TBL1Y: variants seen among roughly 807,000 people sequenced by gnomAD.
TBL1Y encodes the protein transducin beta like 1 Y-linked, also known as F-box-like/WD repeat-containing protein TBL1Y.
Under a neutral mutation model 12.0 loss-of-function variants are expected in TBL1Y, and 15 were observed. The observed-to-expected ratio is 1.25, with a 90% confidence interval of 0.83 to 1.92. The LOEUF is 1.92. TBL1Y is among the 40% of genes most tolerant of loss of function. The probability of loss-of-function intolerance (pLI) is 0.00; values close to 1 mark genes in which losing one functional copy is unlikely to be tolerated. For missense variants in TBL1Y, 148 were observed against 116.7 expected, an observed-to-expected ratio of 1.27 and a Z score of -1.24; for synonymous variants, 53 against 42.6, an observed-to-expected ratio of 1.24 and a Z score of -0.95.
intron 2 of TBL1Y, among the ~76,000 whole-genome samples, chrY:6,969,205 G>A: frequency 3.0e-5 from 1 of 33,448 alleles, no homozygotes; most frequent in African/African-American, 1.2e-4. Context: ...CTTTTGTACC[G>A]TGAAGACTCT....
intron 2 of TBL1Y, among the ~76,000 whole-genome samples, chrY:6,929,951 A>C: frequency 3.0e-5 from 1 of 33,403 alleles, no homozygotes; most frequent in Non-Finnish European, 7.4e-5. Flanking sequence ...GTTATAATAA[A>C]GTGTAAATAA....
chrY:7,084,453 C>G (rs2013116732), intron 14 of TBL1Y, among the ~76,000 whole-genome samples: 1 of 33,718 alleles, frequency 3.0e-5, no homozygotes, highest in African/African-American at 1.2e-4. Context: ...CCACACCTAG[C>G]TAACTTTTGT....
intron 5 of TBL1Y, among the ~76,000 whole-genome samples, chrY:7,024,343 A>G: frequency 9.0e-5 from 3 of 33,420 alleles, no homozygotes; most frequent in African/African-American, 3.5e-4. Flanking sequence ...ACAATGGTTG[A>G]ATTAATTTAC....
chrY:6,916,954 G>A, intron 2 of TBL1Y, among the ~76,000 whole-genome samples: 1 of 34,250 alleles, frequency 2.9e-5, no homozygotes. Context: ...GGGAGCTCCT[G>A]GCATCTGGTG....
chrY:6,966,042 G>A (rs2012166836), intron 2 of TBL1Y, among the ~76,000 whole-genome samples: 1 of 32,883 alleles, frequency 3.0e-5, no homozygotes, highest in South Asian at 6.9e-4. Context: ...TATGTAAATC[G>A]AGTTTATGGA....
At chrY:6,947,200 G>A (rs2011990471) in intron 2 of TBL1Y, among the ~76,000 whole-genome samples, 1 of 33,189 alleles carries the variant, frequency 3.0e-5, no homozygotes, top group African/African-American at 1.2e-4. Context: ...ATGCCTAGAT[G>A]GGTAGGCCGG....
intron 2 of TBL1Y, among the ~76,000 whole-genome samples, chrY:6,930,769 G>C: frequency 3.0e-5 from 1 of 33,295 alleles, no homozygotes; most frequent in African/African-American, 1.2e-4. Context: ...GCGGGATGTG[G>C]GTGGGGCCAA....
At chrY:7,008,542 G>A (rs772942990) in intron 4 of TBL1Y, among the ~76,000 whole-genome samples, 1 of 33,605 alleles carries the variant, frequency 3.0e-5, no homozygotes, top group South Asian at 6.8e-4. Flanking sequence ...CCCAGACTCT[G>A]AAGTCAAAGG....
At chrY:7,082,723 G>A (rs2013106990) in intron 14 of TBL1Y, among the ~76,000 whole-genome samples, 1 of 33,829 alleles carries the variant, frequency 3.0e-5, no homozygotes, top group East Asian at 8.0e-4. Flanking sequence ...GTTGGCCTGT[G>A]TGCCTGTCTC....
At chrY:7,062,872 A>G in intron 7 of TBL1Y, among the ~76,000 whole-genome samples, 1 of 33,613 alleles carries the variant, frequency 3.0e-5, no homozygotes, top group Non-Finnish European at 7.4e-5. Flanking sequence ...GGGGTACTTC[A>G]CTGAACCCCC....
intron 5 of TBL1Y, among the ~76,000 whole-genome samples, chrY:7,022,731 G>A: frequency 3.1e-5 from 1 of 32,729 alleles, no homozygotes. Flanking sequence ...CTATGAAAAA[G>A]ATGTCAGGAA....
chrY:7,072,785 T>C (rs2013042578), intron 12 of TBL1Y, among the ~76,000 whole-genome samples: 4 of 33,789 alleles, frequency 1.2e-4, no homozygotes, highest in Admixed American at 1.1e-3. Context: ...ATGCAGACTT[T>C]ATCACAGCCC....
chrY:6,958,724 G>A, intron 2 of TBL1Y, among the ~76,000 whole-genome samples: 9 of 34,043 alleles, frequency 2.6e-4, no homozygotes, highest in East Asian at 2.4e-3. Context: ...GGACGTGTAC[G>A]TAAGCCAGAT....
intron 13 of TBL1Y, among the ~76,000 whole-genome samples, chrY:7,079,720 T>C: frequency 3.0e-5 from 1 of 33,811 alleles, no homozygotes; most frequent in South Asian, 6.6e-4. Context: ...TCAGGAGGCT[T>C]TTTTTTTACA....
chrY:6,958,733 A>AT (rs2012088695), intron 2 of TBL1Y, among the ~76,000 whole-genome samples: 1 of 34,047 alleles, frequency 2.9e-5, no homozygotes, highest in Non-Finnish European at 7.3e-5. Flanking sequence ...CGTAAGCCAG[A>AT]TTTATGTTTC....
chrY:7,031,556 G>A (rs2012656012), intron 6 of TBL1Y, among the ~76,000 whole-genome samples: 1 of 33,027 alleles, frequency 3.0e-5, no homozygotes. Context: ...CTGCTGTTGT[G>A]AGGGCGGTGG....
intron 8 of TBL1Y, among the ~76,000 whole-genome samples, chrY:7,067,355 G>C (rs746477999): frequency 5.9e-5 from 2 of 33,911 alleles, no homozygotes; most frequent in Non-Finnish European, 1.5e-4. Context: ...CTCCTCAGGA[G>C]GCTGAAGCAG....
intron 15 of TBL1Y, 54 bp from the exon 16 acceptor site, chrY:7,086,236 A>G (rs974707650): frequency 2.1e-5 from 8 of 387,005 alleles, no homozygotes; most frequent in Admixed American, 7.6e-5. Context: ...ATGCCACATC[A>G]TTCCCGGGTG....
chrY:6,993,188 CTT>C (rs2012380414), intron 3 of TBL1Y, among the ~76,000 whole-genome samples: 4 of 18,030 alleles, frequency 2.2e-4, no homozygotes, highest in Admixed American at 9.9e-4. Context: ...CTCCAAGTTC[CTT>C]TTCTTTCTTT....
Sources: allele counts gnomAD v4.1 joint callset (sites outside exome capture counted in the v4.1 genomes callset), GRCh38; gene constraint gnomAD v4.1.1; transcripts MANE v1.5; gene names NCBI Gene and HGNC (gene_info 2026-07-23, HGNC 2026-07-21).